STOX2: variants seen among roughly 807,000 people sequenced by gnomAD.
STOX2 encodes the protein storkhead box 2, also known as storkhead-box protein 2.
In STOX2, 28 loss-of-function variants were observed where a neutral mutation model predicts 60.9. That is an observed-to-expected ratio of 0.46 (90% CI 0.34 to 0.63). The LOEUF (loss-of-function observed/expected upper bound fraction) is 0.63, where lower values mean the gene tolerates loss of function less well. STOX2 is among the 30% of genes least tolerant of loss of function. The probability of loss-of-function intolerance (pLI) is 0.01; values close to 1 mark genes in which losing one functional copy is unlikely to be tolerated. For missense variants in STOX2, 1,024 were observed against 1,187.7 expected (o/e 0.86, Z 2.03); for synonymous variants, 472 against 463.9 (o/e 1.02, Z -0.22).
intron 1 of STOX2, among the ~76,000 whole-genome samples, chr4:183,930,166 C>CTTT (rs11318493): frequency 3.7e-5 from 5 of 135,664 alleles, no homozygotes; most frequent in African/African-American, 1.1e-4. Flanking sequence ...ACCAGGCCAA[C>CTTT]TTTTTTTTTT....
intron 1 of STOX2, among the ~76,000 whole-genome samples, chr4:183,951,607 C>T (rs970532685): frequency 6.6e-6 from 1 of 151,612 alleles, no homozygotes; most frequent in Non-Finnish European, 1.5e-5. Flanking sequence ...TGAGCCGCTG[C>T]GCTCGGCAAG....
intron 1 of STOX2, among the ~76,000 whole-genome samples, chr4:183,859,244 G>A (rs1740374393): frequency 6.6e-6 from 1 of 152,202 alleles, no homozygotes; most frequent in South Asian, 2.1e-4. Flanking sequence ...GGTGTCACAT[G>A]CTGCCAGGTC....
chr4:183,860,980 G>A (rs906995770), intron 1 of STOX2, among the ~76,000 whole-genome samples: 15 of 152,210 alleles, frequency 9.9e-5, no homozygotes, highest in African/African-American at 3.6e-4. Context: ...TGGCAGCCAT[G>A]CTAATCGCTC....
intron 1 of STOX2, among the ~76,000 whole-genome samples, chr4:183,990,721 T>C (rs1388014892): frequency 6.6e-6 from 1 of 151,158 alleles, no homozygotes; most frequent in African/African-American, 2.4e-5. Context: ...ACTCTAGAAG[T>C]TGTGATGGTT....
At chr4:183,921,347 TA>T (rs1440286153) in intron 1 of STOX2, among the ~76,000 whole-genome samples, 2 of 152,186 alleles carry the variant, frequency 1.3e-5, no homozygotes, top group Non-Finnish European at 2.9e-5. Context: ...TATAGATGGT[TA>T]AAAATTGGGT....
intron 1 of STOX2, among the ~76,000 whole-genome samples, chr4:183,844,289 T>A (rs548187812): frequency 6.6e-6 from 1 of 152,274 alleles, no homozygotes; most frequent in Admixed American, 6.5e-5. Flanking sequence ...CAACAATTGT[T>A]TTCCTAGAAA....
intron 1 of STOX2, among the ~76,000 whole-genome samples, chr4:183,892,575 C>T (rs1168400637): frequency 1.3e-5 from 2 of 152,216 alleles, no homozygotes; most frequent in Admixed American, 6.5e-5. Flanking sequence ...CCACCGCGCC[C>T]GGCCCATTCA....
chr4:183,993,107 G>A (rs544201436), intron 1 of STOX2, among the ~76,000 whole-genome samples: 6 of 152,312 alleles, frequency 3.9e-5, no homozygotes, highest in African/African-American at 9.6e-5. Flanking sequence ...TGGCCAGGGC[G>A]CTCTCACCCA....
intron 1 of STOX2, among the ~76,000 whole-genome samples, chr4:183,949,702 T>A (rs12513072): frequency 0.91 from 139,124 of 152,222 alleles, 64,623 homozygotes; most frequent in East Asian, 1. Context: ...CGTATCAAAA[T>A]CAAACAAACA....
In STOX2 at chr4:184,010,909, T is replaced by C. The variant is rs1354692997; in HGVS notation, c.2071T>C (p.Leu691=). ...GCACCATGGTGCCGAGCCCAGCAGC[T>C]TGGACAAGAGGAAAGAGATATTTAG... ...VQHHGAEPSS[L]DKRKEIFSKD... Residue 691 remains leucine (L), a synonymous_variant, in exon 3 of 4, where the codon TTG becomes CTG. Coordinates refer to ENST00000308497, the MANE Select transcript of STOX2 (RefSeq NM_020225.3). This position sits in a 1 kb window ranked among gnomAD's most constrained non-coding sequence, Gnocchi z 4.5. The C allele has an allele frequency of 6.2e-7, 1 of 1,613,262 alleles. No individual in the cohort carries two copies. Among genetic ancestry groups the C allele is most frequent in the African/African-American group, 1.3e-5 (1 of 75,042 alleles).
intron 1 of STOX2, among the ~76,000 whole-genome samples, chr4:183,805,558 A>G (rs1738871020): frequency 6.6e-6 from 1 of 152,224 alleles, no homozygotes; most frequent in South Asian, 2.1e-4. Context: ...CTATAATCCC[A>G]GCACTTTGGG....
At chr4:183,847,461 AG>A (rs1740014576) in intron 1 of STOX2, among the ~76,000 whole-genome samples, 1 of 152,188 alleles carries the variant, frequency 6.6e-6, no homozygotes, top group South Asian at 2.1e-4. Context: ...TTCACCACCC[AG>A]GGAAAGTTCT....
At chr4:183,967,764 T>A (rs1440254020) in intron 1 of STOX2, among the ~76,000 whole-genome samples, 1 of 152,202 alleles carries the variant, frequency 6.6e-6, no homozygotes, top group Non-Finnish European at 1.5e-5. Context: ...TCATCAACTT[T>A]GGGTTATGAA....
Position 183,807,042 on chromosome 4 carries a change from G to A in STOX2, c.364+8987G>A, listed in dbSNP as rs111813187. Reference sequence around the variant, plus strand: ...GGCTGGAGTGCAGTGGCGCGATCTCGGCTCACTGCAAGCTCCGTCTCCCGG... The same window carrying A: ...GGCTGGAGTGCAGTGGCGCGATCTCAGCTCACTGCAAGCTCCGTCTCCCGG... On this transcript the variant is annotated intron_variant, in intron 1 of 2. Coordinates refer to the STOX2 transcript ENST00000513034. 5.9e-3 allele frequency among the ~76,000 whole-genome samples: 900 copies of A among 151,974 alleles called. 9 individuals are homozygous for A. Among genetic ancestry groups the A allele is most frequent in the African/African-American group, 0.019 (772 of 41,430 alleles).
rs1270214565 is a variant in STOX2 at position 183,874,958 on chromosome 4, T to A, written c.364+76903T>A. On this transcript the variant is annotated intron_variant, in intron 1 of 2. Coordinates refer to the STOX2 transcript ENST00000513034. ...AAAAAAAAAAAAAAAAAAAAATATA[T>A]ATATATATATATATATATATATATA... Among the ~76,000 whole-genome samples the A allele has an allele frequency of 7.5e-3, 317 of 42,288 alleles. 2 individuals are homozygous for A. The highest frequency in any genetic ancestry group is 0.019 in the East Asian group (25 of 1,306). 27.7% of individuals were successfully genotyped at this position (42,288 alleles called of 152,430 possible).
In STOX2 at chr4:184,010,300, A is replaced by G. The variant is rs1179524093; in HGVS notation, c.1462A>G (p.Lys488Glu). The G allele has an allele frequency of 1.3e-6, 2 of 1,598,014 alleles. No homozygotes were observed. The highest frequency in any genetic ancestry group is 2.3e-5 in the East Asian group (1 of 44,044). ...RSRNERSNKA[K>E]ERSRSMDNSK... ...CAGGAATGAGAGATCCAACAAAGCC[A>G]AGGAGAGATCCAGGTCGATGGATAA... Residue 488 changes from lysine (K) to glutamate (E), a missense_variant, in exon 3 of 4, where the codon AAG becomes GAG. Physicochemically the swap from Lys to Glu is moderately conservative, Grantham distance 56. Transcript: ENST00000308497. The surrounding 1 kb of genome is among the most constrained non-coding windows in gnomAD (Gnocchi z 4.5).
chr4:183,941,221 A>G (rs78284846), intron 1 of STOX2, among the ~76,000 whole-genome samples: 3,173 of 152,256 alleles, frequency 0.021, 118 homozygotes, highest in African/African-American at 0.073. Flanking sequence ...CATAATATTC[A>G]TTCTTACTCA....
Position 184,001,598 on chromosome 4 carries a change from C to A in STOX2, c.319+121C>A. On this transcript the variant is annotated intron_variant, in intron 2 of 3. Transcript: ENST00000308497. This position sits in a 1 kb window ranked among gnomAD's most constrained non-coding sequence, Gnocchi z 4.2. ...GGAAAACATTCTTCCCCAAAACTGA[C>A]CCGAAGCTTTCCTTACTTCTGTAAT... The A allele has an allele frequency of 1.1e-6, 1 of 941,750 alleles. No homozygotes were observed. The highest frequency in any genetic ancestry group is 1.5e-6 in the Non-Finnish European group (1 of 679,692). The allele number at this position is 941,750 out of a possible 1,614,324, so 58.3% of individuals were successfully genotyped here.
At chr4:183,855,524 A>G (rs1409168567) in intron 1 of STOX2, among the ~76,000 whole-genome samples, 1 of 152,190 alleles carries the variant, frequency 6.6e-6, no homozygotes, top group Non-Finnish European at 1.5e-5. Context: ...TGACAAGGGT[A>G]ACTTGGAAAT....
Sources: allele counts gnomAD v4.1 joint callset (sites outside exome capture counted in the v4.1 genomes callset), GRCh38; gene constraint gnomAD v4.1.1; non-coding constraint Gnocchi (gnomAD v3.1); transcripts MANE v1.5; gene names NCBI Gene and HGNC (gene_info 2026-07-23, HGNC 2026-07-21).